RBBP8: variants seen among roughly 807,000 people sequenced by gnomAD.
The protein encoded by RBBP8 is RB binding protein 8, endonuclease.
In RBBP8, 88 loss-of-function variants were observed where a neutral mutation model predicts 108.3. The ratio of observed to expected loss-of-function variants is 0.81; its 90% CI spans 0.68 to 0.97. RBBP8 has a LOEUF of 0.97. RBBP8 is among the 50% of genes least tolerant of loss of function. The pLI is 0.00. For synonymous variants in RBBP8, 332 were observed against 348.2 expected, an observed-to-expected ratio of 0.95 and a Z score of 0.52; for missense variants, 1,023 against 1,049.0, an observed-to-expected ratio of 0.98 and a Z score of 0.34.
At chr18:22,952,455 A>G (rs965463865) in intron 4 of RBBP8, among the ~76,000 whole-genome samples, 12 of 152,230 alleles carry the variant, frequency 7.9e-5, no homozygotes, top group African/African-American at 2.9e-4. Flanking sequence ...AGCCAGGAAC[A>G]TAGGTCTTGA....
intron 17 of RBBP8, among the ~76,000 whole-genome samples, chr18:23,017,754 T>C (rs2046285715): frequency 7.0e-6 from 1 of 143,782 alleles, no homozygotes; most frequent in Non-Finnish European, 1.5e-5. Flanking sequence ...TTTTTTTTTT[T>C]TTTTTTTTTT....
chr18:23,022,672 T>TAAAATAAAAA (rs1169553930), intron 18 of RBBP8, among the ~76,000 whole-genome samples: 1 of 117,832 alleles, frequency 8.5e-6, no homozygotes, highest in African/African-American at 3.0e-5. Context: ...ATAAAATAAA[T>TAAAATAAAAA]AACTGTATAT....
At chr18:22,960,993 G>A (rs1913053273) in intron 4 of RBBP8, among the ~76,000 whole-genome samples, 1 of 152,162 alleles carries the variant, frequency 6.6e-6, no homozygotes, top group African/African-American at 2.4e-5. Context: ...AACACTAACT[G>A]CATTTTTCGT....
Position 22,993,702 on chromosome 18 carries a change from A to G in RBBP8, c.1813-19A>G, listed in dbSNP as rs755365948. ...TTGCTTGTGATTTCATTTAGAGCTA[A>G]CAATTATTTCTGTTTTAGAGTGCTG... On this transcript the variant is annotated intron_variant, in intron 11 of 18. Transcript: ENST00000327155. 6.2e-7 allele frequency: 1 copy of G among 1,614,228 alleles called. No individual in the cohort carries two copies. Among genetic ancestry groups the G allele is most frequent in the South Asian group, 1.1e-5 (1 of 91,082 alleles).
intron 2 of RBBP8, among the ~76,000 whole-genome samples, chr18:22,945,105 C>T (rs142098222): frequency 2.6e-5 from 4 of 152,200 alleles, no homozygotes; most frequent in African/African-American, 9.6e-5. Flanking sequence ...GGAAATCAGT[C>T]AACTAGTAAT....
intron 5 of RBBP8, among the ~76,000 whole-genome samples, chr18:22,972,183 G>A (rs1400968389): frequency 1.9e-4 from 29 of 149,212 alleles, no homozygotes; most frequent in Admixed American, 1.9e-3. Context: ...GTGAAAACCC[G>A]TCTCTACTAA....
chr18:23,017,633 G>A (rs151310688), intron 17 of RBBP8, among the ~76,000 whole-genome samples: 7,275 of 149,300 alleles, frequency 0.049, 343 homozygotes, highest in African/African-American at 0.12. Context: ...CAGCCTGGGC[G>A]AGAGAGCGAG....
At chr18:22,924,131 T>G (rs938551558) in intron 3 of RBBP8, among the ~76,000 whole-genome samples, 3 of 140,060 alleles carry the variant, frequency 2.1e-5, no homozygotes, top group African/African-American at 7.9e-5. Context: ...TTTTTGGTTT[T>G]TTTTTTTTTT....
At chr18:23,009,379 G>GT (rs577173034) in intron 16 of RBBP8, among the ~76,000 whole-genome samples, 1,482 of 146,496 alleles carry the variant, frequency 0.01, 26 homozygotes, top group South Asian at 0.029. Flanking sequence ...AAATCACTGC[G>GT]TTTTTTTTTT....
intron 8 of RBBP8, among the ~76,000 whole-genome samples, chr18:22,987,692 G>A (rs987150175): frequency 7.2e-5 from 11 of 152,136 alleles, no homozygotes; most frequent in African/African-American, 2.7e-4. Context: ...TCTCAAGCAG[G>A]CTCCACCTGC....
intron 7 of RBBP8, 71 bp from the exon 8 acceptor site, chr18:22,984,812 AAAT>A (rs1449742701): frequency 9.3e-6 from 8 of 863,480 alleles, no homozygotes. Context: ...AAATATGAAT[AAAT>A]AAAAATAATT....
chr18:23,022,207 C>T lies in RBBP8; in HGVS notation c.2533C>T (p.Pro845Ser), dbSNP rs1017841434. 8 of 1,612,366 alleles carry T rather than the reference C, an allele frequency of 5.0e-6. No individual in the cohort carries two copies. The highest frequency in any genetic ancestry group is 6.8e-6 in the Non-Finnish European group (8 of 1,178,380). ...CSRHRFRYIPPNTPENFWEVG... is the reference protein window; with the variant it reads ...CSRHRFRYIPSNTPENFWEVG... ...AAGACACCGATTCCGCTACATTCCACCCAACACACCAGAGAATTTTTGGGA... is the reference window on the plus strand; with the variant it reads ...AAGACACCGATTCCGCTACATTCCATCCAACACACCAGAGAATTTTTGGGA... Residue 845 changes from proline to serine, a missense_variant, in exon 18 of 19, where the codon CCC (proline) becomes TCC (serine). Coordinates refer to ENST00000327155, the MANE Select transcript of RBBP8 (RefSeq NM_002894.3).
chr18:22,973,740 A>G lies in RBBP8; in HGVS notation c.362-1413A>G, dbSNP rs373447522. Reference sequence around the variant, plus strand: ...GTTTATTATACCCAGTCTTTGTTCCACTGATTCTCTCTGTAGAATAATCTC... The same window carrying G: ...GTTTATTATACCCAGTCTTTGTTCCGCTGATTCTCTCTGTAGAATAATCTC... On this transcript the variant is annotated intron_variant, in intron 5 of 18. Transcript: ENST00000327155. Among the ~76,000 whole-genome samples, 46 of 152,220 alleles carry G rather than the reference A, an allele frequency of 3.0e-4. 1 individual carries two copies. The South Asian group carries it at 9.3e-3, about 31-fold the overall frequency.
chr18:22,936,164 C>T (rs1170328960), intron 1 of RBBP8, among the ~76,000 whole-genome samples: 1 of 152,024 alleles, frequency 6.6e-6, no homozygotes, highest in East Asian at 1.9e-4. Flanking sequence ...TGCAGTGGCA[C>T]GATCTCCGCT....
At chr18:22,996,636 T>C (rs943707854) in intron 13 of RBBP8, among the ~76,000 whole-genome samples, 174 bp downstream of exon 13, 1 of 152,242 alleles carries the variant, frequency 6.6e-6, no homozygotes, top group Non-Finnish European at 1.5e-5. Context: ...AACTTTATGG[T>C]ATTTTTTAAA....
chr18:22,921,604 T>C (rs1338588397), intron 3 of RBBP8, among the ~76,000 whole-genome samples: 1 of 152,014 alleles, frequency 6.6e-6, no homozygotes, highest in Admixed American at 6.5e-5. Flanking sequence ...GTTTTATAAT[T>C]CTAATACAAA....
intron 2 of RBBP8, among the ~76,000 whole-genome samples, chr18:22,945,739 A>G (rs1045577767): frequency 1.3e-5 from 2 of 152,010 alleles, no homozygotes; most frequent in Admixed American, 1.3e-4. Context: ...CAATTTTGCT[A>G]GTTGTTTTGG....
chr18:23,021,001 A>C (rs1487494484), intron 17 of RBBP8, among the ~76,000 whole-genome samples: 1 of 152,264 alleles, frequency 6.6e-6, no homozygotes, highest in Non-Finnish European at 1.5e-5. Context: ...ATGTATTAAA[A>C]GCTTTTACTT....
chr18:22,960,315 G>A (rs1160025736), intron 4 of RBBP8, among the ~76,000 whole-genome samples: 2 of 152,204 alleles, frequency 1.3e-5, no homozygotes, highest in Non-Finnish European at 2.9e-5. Flanking sequence ...AGCATGGGAG[G>A]CCAAGTAGGC....
Sources: gnomAD v4.1 joint callset for allele counts (sites outside exome capture counted in the v4.1 genomes callset) on GRCh38, gnomAD v4.1.1 for gene constraint, MANE v1.5 for transcripts, NCBI Gene and HGNC (gene_info 2026-07-23, HGNC 2026-07-21) for gene names.